Variants in CRPPA observed in about 807,000 individuals in gnomAD.
CRPPA encodes the protein D-ribitol-5-phosphate cytidylyltransferase.
Under a neutral mutation model 52.0 loss-of-function variants are expected in CRPPA, and 43 were observed. The observed-to-expected ratio is 0.83, with a 90% CI of 0.65 to 1.07. CRPPA has a LOEUF of 1.07. CRPPA is among the 50% of genes least tolerant of loss of function. The probability of loss-of-function intolerance (pLI) is 0.00; values close to 1 mark genes in which losing one functional copy is unlikely to be tolerated. For synonymous variants in CRPPA, 250 were observed against 203.5 expected (o/e 1.23, Z -1.94); for missense variants, 629 against 551.7 (o/e 1.14, Z -1.40).
intron 3 of CRPPA, among the ~76,000 whole-genome samples, chr7:16,332,312 T>C (rs1405077169): frequency 2.6e-5 from 4 of 152,118 alleles, no homozygotes; most frequent in Non-Finnish European, 5.9e-5. Flanking sequence ...AAAGGAGCTA[T>C]TTAGAGGGAA....
intron 8 of CRPPA, among the ~76,000 whole-genome samples, chr7:16,224,723 G>T (rs1782604989): frequency 2.0e-5 from 3 of 152,034 alleles, no homozygotes; most frequent in Admixed American, 1.3e-4. Context: ...TCTAAAAACT[G>T]ATGACACCAG....
chr7:16,263,111 ATTCCTAGAAGAGC>A (rs1783855046), intron 6 of CRPPA, among the ~76,000 whole-genome samples: 1 of 152,204 alleles, frequency 6.6e-6, no homozygotes. Flanking sequence ...TATTTTAAGT[ATTCCTAGAAGAGC>A]TTCATTTTTC....
At chr7:16,303,164 A>G (rs530207958) in intron 4 of CRPPA, among the ~76,000 whole-genome samples, 27 of 152,246 alleles carry the variant, frequency 1.8e-4, no homozygotes, top group African/African-American at 6.0e-4. Flanking sequence ...ATTTTAATAG[A>G]TTGGTTGAAT....
At chr7:16,164,021 G>A (rs1014886504) in intron 9 of CRPPA, among the ~76,000 whole-genome samples, 13 of 152,080 alleles carry the variant, frequency 8.5e-5, no homozygotes, top group Admixed American at 7.2e-4. Flanking sequence ...TCTTTATGGT[G>A]TTCTCCGTAT....
chr7:16,282,157 A>G (rs1392936105), intron 5 of CRPPA, among the ~76,000 whole-genome samples: 2 of 151,542 alleles, frequency 1.3e-5, no homozygotes, highest in Non-Finnish European at 2.9e-5. Flanking sequence ...CCTTTTTTCT[A>G]TTTATATTTA....
At chr7:16,174,057 C>T (rs530885389) in intron 9 of CRPPA, among the ~76,000 whole-genome samples, 9 of 152,092 alleles carry the variant, frequency 5.9e-5, no homozygotes, top group African/African-American at 1.4e-4. Context: ...GAATACATTG[C>T]CTTTGTGATC....
At chr7:16,367,410 G>C (rs1786629340) in intron 3 of CRPPA, among the ~76,000 whole-genome samples, 1 of 152,206 alleles carries the variant, frequency 6.6e-6, no homozygotes, top group Non-Finnish European at 1.5e-5. Context: ...ACTTCTGAGA[G>C]TTGTAATGCT....
At chr7:16,368,492 T>C (rs370872971) in intron 3 of CRPPA, among the ~76,000 whole-genome samples, 1 of 152,228 alleles carries the variant, frequency 6.6e-6, no homozygotes, top group East Asian at 1.9e-4. Context: ...GATTTTGACT[T>C]TTAAATTATC....
At chr7:16,326,144 G>C (rs930382457) in intron 3 of CRPPA, among the ~76,000 whole-genome samples, 2 of 150,222 alleles carry the variant, frequency 1.3e-5, no homozygotes, top group Non-Finnish European at 2.9e-5. Context: ...TCCTCTGAAA[G>C]AGCTATATAT....
intron 2 of CRPPA, among the ~76,000 whole-genome samples, chr7:16,391,222 C>G (rs889918395): frequency 6.6e-6 from 1 of 152,186 alleles, no homozygotes; most frequent in Non-Finnish European, 1.5e-5. Flanking sequence ...TCTACACAAA[C>G]ATGAACTCTA....
chr7:16,113,071 T>C (rs1782298721), intron 9 of CRPPA, among the ~76,000 whole-genome samples: 1 of 151,326 alleles, frequency 6.6e-6, no homozygotes, highest in Non-Finnish European at 1.5e-5. Context: ...ATCAGGAAAA[T>C]AAGAAAGCAA....
chr7:16,259,130 T>C (rs935544667), intron 6 of CRPPA, 118 bp from the exon 7 acceptor site: 5 of 488,056 alleles, frequency 1.0e-5, no homozygotes, highest in Non-Finnish European at 1.6e-5. Context: ...ATATATTTTT[T>C]AAAAAAATGA....
At chr7:16,326,369 G>A (rs182764349) in intron 3 of CRPPA, among the ~76,000 whole-genome samples, 11 of 152,304 alleles carry the variant, frequency 7.2e-5, no homozygotes, top group Middle Eastern at 3.4e-3. Flanking sequence ...GGAAACATAT[G>A]TAGATATTGA....
At chr7:16,153,412 G>A (rs1193204482) in intron 9 of CRPPA, among the ~76,000 whole-genome samples, 1 of 151,936 alleles carries the variant, frequency 6.6e-6, no homozygotes, top group Non-Finnish European at 1.5e-5. Context: ...ATATGATAGA[G>A]TATCAGTAGC....
In CRPPA at chr7:16,361,407, C is replaced by G. The variant is rs75113482; in HGVS notation, c.684+14685G>C. 6.4e-3 allele frequency among the ~76,000 whole-genome samples: 981 copies of G among 152,282 alleles called. 12 individuals carry two copies. The highest frequency in any genetic ancestry group is 0.023 in the African/African-American group (954 of 41,560). On this transcript the variant is annotated intron_variant, in intron 3 of 9. Transcript: ENST00000407010. ...GCCGAGACTCCAACAGATTTATACA[C>G]CCATGTGCATTAGCAGCATTATCCA...
At chr7:16,343,509 G>A (rs770781925) in intron 3 of CRPPA, among the ~76,000 whole-genome samples, 2 of 152,080 alleles carry the variant, frequency 1.3e-5, no homozygotes, top group Non-Finnish European at 2.9e-5. Flanking sequence ...AAAGTTCCCT[G>A]CAAAATCTAT....
intron 8 of CRPPA, among the ~76,000 whole-genome samples, chr7:16,219,820 G>A (rs1782449100): frequency 2.0e-5 from 3 of 148,980 alleles, no homozygotes; most frequent in Middle Eastern, 3.5e-3. Flanking sequence ...CAACCAAAAA[G>A]AGTCCAGGAC....
At chr7:16,289,865 T>C (rs999557318) in intron 5 of CRPPA, among the ~76,000 whole-genome samples, 6 of 152,016 alleles carry the variant, frequency 3.9e-5, no homozygotes, top group African/African-American at 1.4e-4. Context: ...ACATCCAAAA[T>C]GGCAAAGAAA....
intron 2 of CRPPA, among the ~76,000 whole-genome samples, chr7:16,381,717 G>A (rs1420414695): frequency 2.0e-5 from 3 of 151,950 alleles, no homozygotes; most frequent in Admixed American, 6.6e-5. Context: ...AGCTCTTCTA[G>A]TTGAATTGAT....
Sources: allele counts gnomAD v4.1 joint callset (sites outside exome capture counted in the v4.1 genomes callset), GRCh38; gene constraint gnomAD v4.1.1; transcripts MANE v1.5; gene names NCBI Gene and HGNC (gene_info 2026-07-23, HGNC 2026-07-21).